Variants in TRIM31 observed in about 807,000 individuals in gnomAD.
TRIM31 encodes the protein tripartite motif containing 31.
Under a neutral mutation model 40.6 loss-of-function variants are expected in TRIM31, and 31 were observed. The observed-to-expected ratio is 0.76, with a 90% CI of 0.57 to 1.03. The LOEUF is 1.03. Among genes scored for constraint, TRIM31 ranks in the 50% least tolerant of loss-of-function variants. The pLI is 0.00. For synonymous variants in TRIM31, 164 were observed against 193.9 expected, an observed-to-expected ratio of 0.85 and a Z score of 1.28; for missense variants, 455 against 497.5, an observed-to-expected ratio of 0.91 and a Z score of 0.81.
At chr6:30,111,030 C>CTTTTTTTTTTTTTTTTTTTTTTTT (rs9278578) in intron 3 of TRIM31, among the ~76,000 whole-genome samples, 18 of 114,296 alleles carry the variant, frequency 1.6e-4, no homozygotes, top group South Asian at 6.2e-4. Flanking sequence ...TTCCTTCTGT[C>CTTTTTTTTTTTTTTTTTTTTTTTT]TTTTTTTTTT....
Position 30,104,249 on chromosome 6 carries a change from C to T in TRIM31, c.959-82G>A. ...AAAACAAAAACAAGCACCCTGCCAT[C>T]ATCAATCAGAACAGTCAATGGTTCT... On this transcript the variant is annotated intron_variant, in intron 7 of 8. Coordinates refer to ENST00000376734, the MANE Select transcript of TRIM31 (RefSeq NM_007028.5). 6.5e-6 allele frequency: 9 copies of T among 1,384,186 alleles called. No individual in the cohort carries two copies. In the South Asian group the frequency reaches 8.2e-5, roughly 13 times the overall value. 85.7% of individuals were successfully genotyped at this position (1,384,186 alleles called of 1,614,324 possible).
In TRIM31 at chr6:30,103,674, A is replaced by G. The variant is rs142152030; in HGVS notation, c.1140T>C (p.Tyr380=). 78 of 1,612,942 alleles carry G rather than the reference A, an allele frequency of 4.8e-5. No homozygotes were observed. The highest frequency in any genetic ancestry group is 6.3e-5 in the Non-Finnish European group (74 of 1,180,038). The change falls in exon 9 of 9, where the codon TAT becomes TAC. Residue 380 remains tyrosine (Y), a synonymous_variant. Coordinates refer to ENST00000376734, the MANE Select transcript of TRIM31 (RefSeq NM_007028.5). Reference sequence around the variant, plus strand: ...TCGCTCCTTGACCAGAAATCTCATCATAAGAGGCCAGGAGACATACTGGAA... The same window carrying G: ...TCGCTCCTTGACCAGAAATCTCATCGTAAGAGGCCAGGAGACATACTGGAA... ...VTFPVCLLAS[Y]DEISGQGASS...
rs1768372214 is a variant in TRIM31 at position 30,103,418 on chromosome 6, T to G, written c.*118A>C. ...TAGCCCGAGCCCTCCCATTCTCCAC[T>G]CCTTCGACCCAATTCCACTAAGTCA... is the stretch of plus-strand genomic sequence containing the variant. On this transcript the variant is annotated 3_prime_UTR_variant, in exon 9 of 9. Coordinates refer to ENST00000376734, the MANE Select transcript of TRIM31 (RefSeq NM_007028.5). 1 of 1,034,682 alleles carries G rather than the reference T, an allele frequency of 9.7e-7. No homozygotes were observed. The highest frequency in any genetic ancestry group is 1.7e-5 in the African/African-American group (1 of 59,974). The allele number at this position is 1,034,682 out of a possible 1,614,324, so 64.1% of individuals were successfully genotyped here.
At chr6:30,106,245 C>T (rs758054466) in intron 6 of TRIM31, among the ~76,000 whole-genome samples, 16 of 152,166 alleles carry the variant, frequency 1.1e-4, no homozygotes, top group Admixed American at 1.3e-4. Context: ...GTGGGACAAG[C>T]GTGGGTAGCT....
chr6:30,104,019 C>T, intron 8 of TRIM31, 83 bp downstream of exon 8: 2 of 1,451,356 alleles, frequency 1.4e-6, no homozygotes, highest in Non-Finnish European at 1.9e-6. Context: ...TCATTTATTC[C>T]ATTTAGTGGA....
chr6:30,111,580 A>G, intron 3 of TRIM31, 68 bp downstream of exon 3: 1 of 1,492,562 alleles, frequency 6.7e-7, no homozygotes, highest in Non-Finnish European at 9.3e-7. Context: ...TCAGTGTAAT[A>G]GGGGATTCCA....
chr6:30,107,942 A>G (rs999866627), intron 6 of TRIM31, 111 bp downstream of exon 6: 2 of 661,948 alleles, frequency 3.0e-6, no homozygotes, highest in Admixed American at 2.5e-5. Flanking sequence ...TGGCACTAGA[A>G]GGGCCCAGGG....
intron 2 of TRIM31, chr6:30,112,013 C>G: frequency 1.8e-6 from 1 of 565,346 alleles, no homozygotes; most frequent in East Asian, 2.9e-5. Flanking sequence ...TACAAACTTC[C>G]CTTCATCTGT....
At chr6:30,112,312 G>T in intron 2 of TRIM31, 77 bp downstream of exon 2, 1 of 1,516,976 alleles carries the variant, frequency 6.6e-7, no homozygotes, top group Non-Finnish European at 8.9e-7. Flanking sequence ...AACCCTCAGT[G>T]GGAAGGTAGC....
intron 6 of TRIM31, among the ~76,000 whole-genome samples, chr6:30,106,993 G>C (rs1268476127): frequency 6.6e-6 from 1 of 152,180 alleles, no homozygotes; most frequent in African/African-American, 2.4e-5. Flanking sequence ...CCAGCGACTT[G>C]GGAAGCTGAG....
At chr6:30,107,116 TAAAC>T (rs1255653232) in intron 6 of TRIM31, among the ~76,000 whole-genome samples, 2 of 150,668 alleles carry the variant, frequency 1.3e-5, no homozygotes, top group East Asian at 1.9e-4. Context: ...AATAAATAAA[TAAAC>T]AAATAAATAA....
rs1016913061 is a variant in TRIM31, at chr6:30,108,221, G to A, written c.768-53C>T. ...TGAGATCAGGGGATGAGGTGTGGGA[G>A]AAGGAGGATCTGAGATACGCGGTTG... On this transcript the variant is annotated intron_variant, in intron 5 of 8. Transcript: ENST00000376734. 8 of 1,325,706 alleles carry A rather than the reference G, an allele frequency of 6.0e-6. No homozygotes were observed. The African/African-American group carries it at 1.2e-4, about 19-fold the overall frequency. 82.1% of individuals were successfully genotyped at this position (1,325,706 alleles called of 1,614,324 possible). A position where few individuals can be genotyped will look rare whatever the true frequency, so the allele number is the denominator to read the frequency against.
chr6:30,106,695 G>A (rs966046184), intron 6 of TRIM31, among the ~76,000 whole-genome samples: 17 of 152,176 alleles, frequency 1.1e-4, no homozygotes, highest in African/African-American at 4.1e-4. Context: ...GGGATACAGA[G>A]TAGAGCACAC....
chr6:30,112,114 G>A lies in TRIM31; in HGVS notation c.417+275C>T, dbSNP rs181635259. On this transcript the variant is annotated intron_variant, in intron 2 of 8. Coordinates refer to ENST00000376734, the MANE Select transcript of TRIM31 (RefSeq NM_007028.5). Reference sequence around the variant, plus strand: ...AGAGAGGTAAAGTGATTCCTTGCAGGTTGTACAGTAAACTCACAAGACTGG... The same window carrying A: ...AGAGAGGTAAAGTGATTCCTTGCAGATTGTACAGTAAACTCACAAGACTGG... The A allele has an allele frequency of 1.6e-3, 923 of 561,708 alleles. 3 individuals carry two copies. Among genetic ancestry groups the A allele is most frequent in the Middle Eastern group, 5.5e-3 (12 of 2,176 alleles). The allele number at this position is 561,708 out of a possible 1,614,324, so 34.8% of individuals were successfully genotyped here.
chr6:30,103,476 C>A lies in TRIM31; in HGVS notation c.*60G>T, dbSNP rs927189820. 1 of 1,599,892 alleles carries A rather than the reference C, an allele frequency of 6.3e-7. No individual in the cohort carries two copies. The highest frequency in any genetic ancestry group is 2.2e-5 in the East Asian group (1 of 44,768). On this transcript the variant is annotated 3_prime_UTR_variant, in exon 9 of 9. Coordinates refer to ENST00000376734, the MANE Select transcript of TRIM31 (RefSeq NM_007028.5). ...TGGTCGGTCTCAGCCACTCACTCAGCGCCACTCTATGCTCCGAAGTCCGTG... is the reference window on the plus strand; with the variant it reads ...TGGTCGGTCTCAGCCACTCACTCAGAGCCACTCTATGCTCCGAAGTCCGTG...
chr6:30,103,377 CCATCT>C lies in TRIM31; in HGVS notation c.*154_*158del. The C allele has an allele frequency of 9.9e-7, 1 of 1,014,702 alleles. No individual in the cohort carries two copies. Among genetic ancestry groups the C allele is most frequent in the Non-Finnish European group, 1.5e-6 (1 of 689,560 alleles). The allele number at this position is 1,014,702 out of a possible 1,614,324, so 62.9% of individuals were successfully genotyped here. A position where few individuals can be genotyped will look rare whatever the true frequency, so the allele number is the denominator to read the frequency against. On this transcript the variant is annotated 3_prime_UTR_variant, in exon 9 of 9. Coordinates refer to ENST00000376734, the MANE Select transcript of TRIM31 (RefSeq NM_007028.5). ...ACTCTCTTCACCACCACCCCCGCCC[CCATCT>C]CCACTCTCAGTAGCCCGAGCCCTCC...
chr6:30,103,731 C>G lies in TRIM31; in HGVS notation c.1083G>C (p.Leu361=). The G allele has an allele frequency of 6.2e-7, 1 of 1,613,030 alleles. No individual in the cohort carries two copies. Among genetic ancestry groups the G allele is most frequent in the Non-Finnish European group, 8.5e-7 (1 of 1,180,018 alleles). The change falls in exon 9 of 9, where the codon CTG becomes CTC. Residue 361 remains leucine, a synonymous_variant. Transcript: ENST00000376734. ...CTTTCCCAGCAGACGAGGCCCGAAA[C>G]AGGGAGTGGGATGGGGCTGAAGAGT... The part of the protein sequence containing the change: ...NHHSSAPSHS[L]FRASSAGKVT...
intron 7 of TRIM31, 85 bp from the exon 8 acceptor site, chr6:30,104,252 C>G: frequency 7.4e-7 from 1 of 1,347,072 alleles, no homozygotes; most frequent in Non-Finnish European, 1.1e-6. Context: ...CTGCCATCAT[C>G]AATCAGAACA....
chr6:30,111,979 G>T, intron 2 of TRIM31: 1 of 577,124 alleles, frequency 1.7e-6, no homozygotes, highest in Non-Finnish European at 3.1e-6. Context: ...GACTATGGAT[G>T]GTGCTTTGGA....
Sources: allele counts gnomAD v4.1 joint callset (sites outside exome capture counted in the v4.1 genomes callset), GRCh38; gene constraint gnomAD v4.1.1; transcripts MANE v1.5; gene names NCBI Gene and HGNC (gene_info 2026-07-23, HGNC 2026-07-21).